MATN2: variants seen among roughly 807,000 people sequenced by gnomAD.
MATN2 encodes matrilin 2, also known as matrilin-2.
Under a neutral mutation model 103.2 loss-of-function variants are expected in MATN2, and 69 were observed. The observed-to-expected ratio is 0.67, with a 90% CI of 0.55 to 0.82. The LOEUF (loss-of-function observed/expected upper bound fraction) is 0.82. Among genes scored for constraint, MATN2 ranks in the 40% least tolerant of loss-of-function variants. The pLI, the probability that MATN2 is intolerant of heterozygous loss-of-function variation, is 0.00. For missense variants in MATN2, 1,023 were observed against 1,211.5 expected, an observed-to-expected ratio of 0.84 and a Z score of 2.31; for synonymous variants, 429 against 450.2, an observed-to-expected ratio of 0.95 and a Z score of 0.60.
At chr8:97,902,532 A>T (rs1461488430) in intron 2 of MATN2, among the ~76,000 whole-genome samples, 1 of 151,918 alleles carries the variant, frequency 6.6e-6, no homozygotes, top group Admixed American at 6.6e-5. Flanking sequence ...AAGACAAAGA[A>T]AAAAAGCAAA....
Position 97,943,407 on chromosome 8 carries a change from C to T in MATN2, c.835+1508C>T, listed in dbSNP as rs567363674. On this transcript the variant is annotated intron_variant, in intron 4 of 18. Transcript: ENST00000254898. ...CCTTTCTCCTTCTCCTTCTCTGTCTCCTTCTCCTTCTCCTTCTCCTTCTCC... is the reference window on the plus strand; with the variant it reads ...CCTTTCTCCTTCTCCTTCTCTGTCTTCTTCTCCTTCTCCTTCTCCTTCTCC... Among the ~76,000 whole-genome samples, 7 of 30,688 alleles carry T rather than the reference C, an allele frequency of 2.3e-4. No homozygotes were observed. In the East Asian group the frequency reaches 4.1e-3, roughly 18 times the overall value. The allele number at this position is 30,688 out of a possible 152,430, so 20.1% of individuals were successfully genotyped here. A position where few individuals can be genotyped will look rare whatever the true frequency, so the allele number is the denominator to read the frequency against.
intron 2 of MATN2, among the ~76,000 whole-genome samples, chr8:97,913,369 C>T (rs1383634118): frequency 6.8e-6 from 1 of 147,688 alleles, no homozygotes; most frequent in Non-Finnish European, 1.5e-5. Context: ...GGTTGGAGTG[C>T]AGTGGCACGA....
chr8:98,017,266 G>A (rs958593322), intron 11 of MATN2, among the ~76,000 whole-genome samples: 21 of 152,184 alleles, frequency 1.4e-4, no homozygotes, highest in African/African-American at 4.8e-4. Flanking sequence ...GTTATTTCTG[G>A]TAGCACAAAT....
chr8:97,916,261 G>A lies in MATN2; in HGVS notation c.143-14692G>A, dbSNP rs556583815. On this transcript the variant is annotated intron_variant, in intron 2 of 18. Coordinates refer to ENST00000254898, the MANE Select transcript of MATN2 (RefSeq NM_002380.5). ...ATTTTTGTATTTTTAGTAGAGACGG[G>A]GTTTCGCCATGTTGGCCAGGCTGGT... Among the ~76,000 whole-genome samples, 8 of 152,098 alleles carry A rather than the reference G, an allele frequency of 5.3e-5. No homozygotes were observed. The South Asian group carries it at 1.7e-3, about 32-fold the overall frequency.
chr8:98,016,447 C>A, intron 10 of MATN2, 93 bp from the exon 11 acceptor site: 2 of 1,148,330 alleles, frequency 1.7e-6, no homozygotes, highest in Non-Finnish European at 2.5e-6. Flanking sequence ...TGTTTTAATT[C>A]AAAGTGTCTG....
intron 1 of MATN2, among the ~76,000 whole-genome samples, chr8:97,886,808 T>A (rs1362117128): frequency 6.6e-6 from 1 of 152,204 alleles, no homozygotes; most frequent in African/African-American, 2.4e-5. Flanking sequence ...ACTATGGCAT[T>A]TCATGACTTG....
intron 11 of MATN2, 66 bp downstream of exon 11, chr8:98,016,728 T>C: frequency 6.4e-7 from 1 of 1,559,932 alleles, no homozygotes; most frequent in East Asian, 2.3e-5. Context: ...GCTATCCTTA[T>C]CTCTGTATAT....
chr8:97,965,159 T>G (rs1454186922), intron 5 of MATN2, among the ~76,000 whole-genome samples: 1 of 152,236 alleles, frequency 6.6e-6, no homozygotes, highest in Non-Finnish European at 1.5e-5. Context: ...TGACTTAAAC[T>G]GTTAAGTTCA....
At chr8:97,891,548 G>A (rs1434292796) in intron 2 of MATN2, among the ~76,000 whole-genome samples, 1 of 151,996 alleles carries the variant, frequency 6.6e-6, no homozygotes, top group African/African-American at 2.4e-5. Flanking sequence ...ATGTTGTCCA[G>A]GCTGATCTTG....
At chr8:97,956,534 G>C (rs1811150347) in intron 4 of MATN2, among the ~76,000 whole-genome samples, 1 of 152,206 alleles carries the variant, frequency 6.6e-6, no homozygotes, top group South Asian at 2.1e-4. Flanking sequence ...CTAGGGAAGG[G>C]ATAGTAGCTC....
chr8:98,015,310 A>G (rs1813319998), intron 10 of MATN2, among the ~76,000 whole-genome samples: 1 of 152,116 alleles, frequency 6.6e-6, no homozygotes, highest in Non-Finnish European at 1.5e-5. Flanking sequence ...GCGATCCTTT[A>G]AAAACAAACC....
chr8:97,972,763 T>A (rs1811706832), intron 5 of MATN2, among the ~76,000 whole-genome samples: 1 of 152,242 alleles, frequency 6.6e-6, no homozygotes, highest in African/African-American at 2.4e-5. Context: ...GTGGCAAGAC[T>A]GACTTCTGAC....
intron 11 of MATN2, among the ~76,000 whole-genome samples, chr8:98,016,924 G>A (rs1813384106): frequency 6.6e-6 from 1 of 152,204 alleles, no homozygotes; most frequent in Non-Finnish European, 1.5e-5. Flanking sequence ...ACTCATGTGA[G>A]TTGTTAATAA....
At chr8:97,957,774 A>T (rs1811187881) in intron 4 of MATN2, among the ~76,000 whole-genome samples, 2 of 152,108 alleles carry the variant, frequency 1.3e-5, no homozygotes, top group African/African-American at 4.8e-5. Context: ...GGGACTTTTT[A>T]TCTGTTAGGT....
intron 1 of MATN2, among the ~76,000 whole-genome samples, chr8:97,880,024 CT>C (rs1411424429): frequency 6.6e-6 from 1 of 151,504 alleles, no homozygotes; most frequent in Non-Finnish European, 1.5e-5. Flanking sequence ...ACAAAGAGAT[CT>C]TTGGCAAAAC....
In MATN2 at chr8:98,021,237, T is replaced by C; in HGVS notation, c.1852T>C (p.Cys618Arg). 6.2e-7 allele frequency: 1 copy of C among 1,613,680 alleles called. No individual in the cohort carries two copies. The highest frequency in any genetic ancestry group is 8.5e-7 in the Non-Finnish European group (1 of 1,179,648). The stretch of plus-strand genomic sequence containing the variant: ...TGTCTGCAAATCAACCCACCATGGC[T>C]GCGAACACATTTGTGTTAATAATGG... ...KDVCKSTHHG[C>R]EHICVNNGNS... The change falls in exon 13 of 19, where the codon TGC (cysteine) becomes CGC (arginine). Residue 618 changes from cysteine to arginine, a missense_variant. Cys to Arg is a radical substitution (Grantham distance 180). Transcript: ENST00000254898.
intron 3 of MATN2, among the ~76,000 whole-genome samples, chr8:97,935,682 C>T (rs1226528410): frequency 1.3e-5 from 2 of 152,116 alleles, no homozygotes; most frequent in Non-Finnish European, 2.9e-5. Context: ...GAAACAATGT[C>T]TTACTATGTT....
intron 3 of MATN2, among the ~76,000 whole-genome samples, chr8:97,934,856 C>A (rs10109954): frequency 0.39 from 59,943 of 152,010 alleles, 11,863 homozygotes; most frequent in African/African-American, 0.43. Flanking sequence ...GATATTTAAC[C>A]TTTTATCTGT....
intron 7 of MATN2, among the ~76,000 whole-genome samples, chr8:97,999,002 C>T (rs1219325283): frequency 1.3e-5 from 2 of 152,160 alleles, no homozygotes; most frequent in East Asian, 3.8e-4. Flanking sequence ...AATTCCCCAG[C>T]TCCTCCTCCT....
Sources: allele counts gnomAD v4.1 joint callset (sites outside exome capture counted in the v4.1 genomes callset), GRCh38; gene constraint gnomAD v4.1.1; transcripts MANE v1.5; gene names NCBI Gene and HGNC (gene_info 2026-07-23, HGNC 2026-07-21).